The following SLC49A4 variants were observed in gnomAD, a reference collection of about 807,000 sequenced individuals.
SLC49A4 encodes the protein solute carrier family 49 member 4.
Under a neutral mutation model 50.6 loss-of-function variants are expected in SLC49A4, and 36 were observed. The observed-to-expected ratio is 0.71, with a 90% CI of 0.55 to 0.94. The LOEUF is 0.94. SLC49A4 is among the 40% of genes least tolerant of loss of function. The pLI is 0.00. For synonymous variants in SLC49A4, 248 were observed against 241.2 expected, an observed-to-expected ratio of 1.03 and a Z score of -0.26; for missense variants, 503 against 605.7, an observed-to-expected ratio of 0.83 and a Z score of 1.78.
chr3:122,801,577 C>T lies in SLC49A4; in HGVS notation c.344-5280C>T, dbSNP rs369660281. Among the ~76,000 whole-genome samples the T allele has an allele frequency of 7.9e-4, 120 of 152,094 alleles. 2 individuals carry two copies. The highest frequency in any genetic ancestry group is 3.4e-3 in the Middle Eastern group (1 of 294). On this transcript the variant is annotated intron_variant, in intron 1 of 8. Transcript: ENST00000261038. ...GCGCCATTACACTCCAGATGAATAG[C>T]GAAACCTCATCTCAAAAACAAAAAA...
intron 2 of SLC49A4, among the ~76,000 whole-genome samples, chr3:122,824,069 T>C (rs1016033566): frequency 2.0e-5 from 3 of 152,236 alleles, no homozygotes; most frequent in African/African-American, 7.2e-5. Flanking sequence ...CTGCCAGGTT[T>C]CTCATGAATT....
At chr3:122,859,999 G>T in intron 6 of SLC49A4, 76 bp from the exon 7 acceptor site, 2 of 1,207,104 alleles carry the variant, frequency 1.7e-6, no homozygotes, top group Non-Finnish European at 2.2e-6. Context: ...TCAAGTAGTT[G>T]TTAGTGAAAG....
intron 8 of SLC49A4, among the ~76,000 whole-genome samples, chr3:122,878,714 G>A (rs990286116): frequency 2.0e-5 from 3 of 152,116 alleles, no homozygotes; most frequent in African/African-American, 4.8e-5. Flanking sequence ...TCTCTCTGGG[G>A]ACAGAATTAT....
intron 1 of SLC49A4, among the ~76,000 whole-genome samples, chr3:122,797,058 C>T (rs1258718666): frequency 6.6e-6 from 1 of 152,160 alleles, no homozygotes; most frequent in Non-Finnish European, 1.5e-5. Flanking sequence ...ATACTTCCTT[C>T]TCTCCTCCTT....
chr3:122,836,467 G>C (rs1320645366), intron 4 of SLC49A4, among the ~76,000 whole-genome samples: 1 of 152,056 alleles, frequency 6.6e-6, no homozygotes, highest in South Asian at 2.1e-4. Flanking sequence ...TTTTTTGGTT[G>C]TGTCTCTGCC....
chr3:122,803,699 A>G (rs1000806407), intron 1 of SLC49A4, among the ~76,000 whole-genome samples: 4 of 152,124 alleles, frequency 2.6e-5, no homozygotes, highest in African/African-American at 9.7e-5. Context: ...CCATGCTTCC[A>G]CTATGGGTGT....
Position 122,879,797 on chromosome 3 carries a change from C to G in SLC49A4, c.*419C>G, listed in dbSNP as rs1371605203. The G allele has an allele frequency of 6.5e-6, 1 of 154,186 alleles. No individual in the cohort carries two copies. Among genetic ancestry groups the G allele is most frequent in the African/African-American group, 2.4e-5 (1 of 41,478 alleles). 9.6% of individuals were successfully genotyped at this position (154,186 alleles called of 1,614,324 possible). Reference sequence around the variant, plus strand: ...GAATAGGAAGATATGCCACTAACTTCTAAAGAAGTTCAAACCCTGTATCCA... The same window carrying G: ...GAATAGGAAGATATGCCACTAACTTGTAAAGAAGTTCAAACCCTGTATCCA... On this transcript the variant is annotated 3_prime_UTR_variant, in exon 9 of 9. Coordinates refer to ENST00000261038, the MANE Select transcript of SLC49A4 (RefSeq NM_032839.3).
At chr3:122,819,013 G>A (rs748689786) in intron 2 of SLC49A4, among the ~76,000 whole-genome samples, 7 of 151,824 alleles carry the variant, frequency 4.6e-5, no homozygotes, top group East Asian at 1.9e-4. Flanking sequence ...TAGCACTTTC[G>A]GAGGCCAAGG....
At chr3:122,826,452 A>T (rs1936529990) in intron 2 of SLC49A4, among the ~76,000 whole-genome samples, 1 of 152,146 alleles carries the variant, frequency 6.6e-6, no homozygotes, top group Non-Finnish European at 1.5e-5. Flanking sequence ...CATCTCAGTA[A>T]ATGGGGATCA....
intron 4 of SLC49A4, among the ~76,000 whole-genome samples, chr3:122,837,545 T>C (rs914273583): frequency 3.3e-5 from 5 of 152,204 alleles, no homozygotes; most frequent in African/African-American, 1.2e-4. Context: ...CCTTACACCT[T>C]ATACAAAAAT....
At chr3:122,844,355 G>A (rs1300482822) in intron 4 of SLC49A4, among the ~76,000 whole-genome samples, 1 of 152,148 alleles carries the variant, frequency 6.6e-6, no homozygotes, top group Non-Finnish European at 1.5e-5. Context: ...TTACAGGCAT[G>A]AGCCACCATA....
intron 4 of SLC49A4, among the ~76,000 whole-genome samples, chr3:122,840,605 CTTA>C (rs1936757685): frequency 6.6e-6 from 1 of 151,970 alleles, no homozygotes; most frequent in East Asian, 1.9e-4. Flanking sequence ...AATATTAAAA[CTTA>C]TTAATGAGAT....
intron 4 of SLC49A4, among the ~76,000 whole-genome samples, chr3:122,834,319 G>A (rs756615092): frequency 6.6e-6 from 1 of 152,044 alleles, no homozygotes; most frequent in Non-Finnish European, 1.5e-5. Context: ...TACATTTTCT[G>A]ATAGTCTTCA....
At chr3:122,878,584 A>G (rs774892973) in intron 8 of SLC49A4, among the ~76,000 whole-genome samples, 8 of 152,202 alleles carry the variant, frequency 5.3e-5, no homozygotes, top group Non-Finnish European at 7.3e-5. Flanking sequence ...AAATCAAACA[A>G]CAACAGAATT....
intron 1 of SLC49A4, among the ~76,000 whole-genome samples, chr3:122,803,413 G>A (rs1936162365): frequency 6.6e-6 from 1 of 152,152 alleles, no homozygotes; most frequent in South Asian, 2.1e-4. Flanking sequence ...GAAGAGATGA[G>A]GTCTCATTAG....
intron 5 of SLC49A4, among the ~76,000 whole-genome samples, chr3:122,849,460 C>G (rs1404268191): frequency 6.6e-6 from 1 of 152,138 alleles, no homozygotes; most frequent in Non-Finnish European, 1.5e-5. Context: ...CCAAGCACTC[C>G]CCCTTCTCTG....
At chr3:122,814,439 T>C (rs1269596980) in intron 2 of SLC49A4, among the ~76,000 whole-genome samples, 1 of 152,180 alleles carries the variant, frequency 6.6e-6, no homozygotes, top group Non-Finnish European at 1.5e-5. Flanking sequence ...AGATAACTTA[T>C]AAGTAACATG....
intron 7 of SLC49A4, among the ~76,000 whole-genome samples, chr3:122,865,503 T>G (rs1937107054): frequency 6.6e-6 from 1 of 152,106 alleles, no homozygotes; most frequent in Non-Finnish European, 1.5e-5. Context: ...AGAGAAGAGG[T>G]ACAGCTCAGT....
intron 7 of SLC49A4, among the ~76,000 whole-genome samples, chr3:122,869,729 C>T (rs1270691454): frequency 6.6e-6 from 1 of 152,160 alleles, no homozygotes; most frequent in Non-Finnish European, 1.5e-5. Context: ...AGTTAATTAT[C>T]CCTCATCTTC....
Sources: allele counts gnomAD v4.1 joint callset (sites outside exome capture counted in the v4.1 genomes callset), GRCh38; gene constraint gnomAD v4.1.1; transcripts MANE v1.5; gene names NCBI Gene and HGNC (gene_info 2026-07-23, HGNC 2026-07-21).